The following FARP1 variants were observed in gnomAD, a reference collection of about 807,000 sequenced individuals.
The protein encoded by FARP1 is FERM, ARHGEF and pleckstrin domain-containing protein 1.
A neutral mutation model predicts 128.8 loss-of-function variants in FARP1; 52 were observed. That is an observed-to-expected ratio of 0.40 (90% CI 0.32 to 0.51). The LOEUF (loss-of-function observed/expected upper bound fraction) is 0.51. Among genes scored for constraint, FARP1 ranks in the 20% least tolerant of loss-of-function variants. The pLI is 0.45. For synonymous variants in FARP1, 580 were observed against 551.8 expected (o/e 1.05, Z -0.72); for missense variants, 1,333 against 1,367.9 (o/e 0.97, Z 0.40).
At chr13:98,410,139 C>A (rs1284555045) in intron 14 of FARP1, among the ~76,000 whole-genome samples, 4 of 152,226 alleles carry the variant, frequency 2.6e-5, no homozygotes, top group Admixed American at 2.6e-4. Context: ...GAGAAGTGGG[C>A]AAAATGGCGG....
chr13:98,225,203 T>C (rs1881687026), intron 2 of FARP1, among the ~76,000 whole-genome samples: 1 of 152,218 alleles, frequency 6.6e-6, no homozygotes, highest in African/African-American at 2.4e-5. Context: ...ACATATTTTA[T>C]TAGAGCTGTT....
At position 98,321,411 on chromosome 13, in the gene FARP1, G is replaced by A. The variant is rs539296049; in HGVS notation, c.172-22351G>A. ...TAAACCCACGCTTAGACAAATGGTT[G>A]TGTCTGAAAAAGGTTCTAAGAATTG... On this transcript the variant is annotated intron_variant, in intron 2 of 26. Coordinates refer to ENST00000319562, the MANE Select transcript of FARP1 (RefSeq NM_005766.4). Among the ~76,000 whole-genome samples, 19 of 152,330 alleles carry A rather than the reference G, an allele frequency of 1.2e-4. No individual in the cohort carries two copies. The South Asian group carries it at 3.5e-3, about 28-fold the overall frequency.
chr13:98,274,596 A>G (rs1884547440), intron 2 of FARP1, among the ~76,000 whole-genome samples: 1 of 152,212 alleles, frequency 6.6e-6, no homozygotes, highest in African/African-American at 2.4e-5. Flanking sequence ...ACAATGAGAT[A>G]AACAGCAGCC....
chr13:98,211,505 C>T (rs534732036), intron 1 of FARP1, among the ~76,000 whole-genome samples: 7 of 152,214 alleles, frequency 4.6e-5, no homozygotes, highest in African/African-American at 1.4e-4. Context: ...GGTTGGGGAC[C>T]GCTGCTCTAG....
At chr13:98,230,179 T>C (rs937619211) in intron 2 of FARP1, among the ~76,000 whole-genome samples, 4 of 152,226 alleles carry the variant, frequency 2.6e-5, no homozygotes, top group African/African-American at 9.6e-5. Flanking sequence ...GAGCCTGTTA[T>C]AGGTAATTTT....
At chr13:98,378,179 G>A (rs1408342290) in intron 6 of FARP1, among the ~76,000 whole-genome samples, 1 of 152,216 alleles carries the variant, frequency 6.6e-6, no homozygotes, top group Non-Finnish European at 1.5e-5. Context: ...TGATACTTCA[G>A]TTGTCTTAAA....
intron 2 of FARP1, among the ~76,000 whole-genome samples, chr13:98,225,730 G>A (rs1034272828): frequency 1.1e-4 from 16 of 152,258 alleles, no homozygotes; most frequent in African/African-American, 3.9e-4. Context: ...CAACCGGGCT[G>A]TTAGAGTCTT....
intron 13 of FARP1, chr13:98,398,755 C>T (rs1335372696): frequency 6.6e-6 from 1 of 152,146 alleles, no homozygotes; most frequent in Non-Finnish European, 1.5e-5. Flanking sequence ...GTGAGTTAAA[C>T]AGAGCCAAGT....
At chr13:98,200,599 C>T (rs1257123132) in intron 1 of FARP1, among the ~76,000 whole-genome samples, 1 of 152,118 alleles carries the variant, frequency 6.6e-6, no homozygotes, top group Non-Finnish European at 1.5e-5. Context: ...CTCACAGTTC[C>T]TAAGTTGAGA....
intron 5 of FARP1, among the ~76,000 whole-genome samples, chr13:98,376,772 T>C (rs906572950): frequency 2.0e-5 from 3 of 150,856 alleles, no homozygotes; most frequent in African/African-American, 7.3e-5. Context: ...TTTTTTTTTT[T>C]TTTTTTTGCC....
At chr13:98,351,623 A>AG (rs1192665655) in intron 3 of FARP1, among the ~76,000 whole-genome samples, 1 of 151,864 alleles carries the variant, frequency 6.6e-6, no homozygotes, top group Non-Finnish European at 1.5e-5. Flanking sequence ...AAAAAAAAAA[A>AG]AAAGAAAGAA....
At chr13:98,293,328 A>G (rs1885529083) in intron 2 of FARP1, among the ~76,000 whole-genome samples, 1 of 152,138 alleles carries the variant, frequency 6.6e-6, no homozygotes, top group Non-Finnish European at 1.5e-5. Context: ...AGTAAGTGAC[A>G]TTGTTCTCAT....
In FARP1 at chr13:98,453,517, A is replaced by C. The variant is rs1246981778; in HGVS notation, c.*5200A>C. On this transcript the variant is annotated 3_prime_UTR_variant, in exon 27 of 27. Transcript: ENST00000319562. Reference sequence around the variant, plus strand: ...CTTACGATCAATTGTCAAAAAGTGAACATTGATCCATACATGATGACACAG... The same window carrying C: ...CTTACGATCAATTGTCAAAAAGTGACCATTGATCCATACATGATGACACAG... 1.8e-5 allele frequency: 6 copies of C among 339,740 alleles called. No homozygotes were observed. The highest frequency in any genetic ancestry group is 1.3e-4 in the African/African-American group (6 of 45,990). 21.0% of individuals were successfully genotyped at this position (339,740 alleles called of 1,614,324 possible).
chr13:98,142,835 G>A (rs12868356), upstream of FARP1: 38,028 of 152,096 alleles, frequency 0.25, 5,586 homozygotes, highest in East Asian at 0.47. Flanking sequence ...TCCCCGCGCT[G>A]CATTAGGTAG....
chr13:98,337,668 T>G (rs575056543), intron 2 of FARP1, among the ~76,000 whole-genome samples: 1 of 152,106 alleles, frequency 6.6e-6, no homozygotes, highest in Admixed American at 6.6e-5. Flanking sequence ...TTCTGTCAGC[T>G]TAATCTGTGC....
At position 98,289,340 on chromosome 13, in the gene FARP1, C is replaced by T. The variant is rs537837697; in HGVS notation, c.172-54422C>T. Among the ~76,000 whole-genome samples the T allele has an allele frequency of 5.3e-4, 80 of 152,172 alleles. No individual in the cohort carries two copies. In the Middle Eastern group the frequency reaches 0.01, roughly 19 times the overall value. On this transcript the variant is annotated intron_variant, in intron 2 of 26. Transcript: ENST00000319562. ...ACATAGGAAATTCTAAGTGGTTACC[C>T]GTAAAATGGAAGACCGTTTCATTCC...
chr13:98,288,097 G>T (rs1269915810), intron 2 of FARP1, among the ~76,000 whole-genome samples: 1 of 152,172 alleles, frequency 6.6e-6, no homozygotes, highest in Non-Finnish European at 1.5e-5. Context: ...TCCGTACCCG[G>T]CCCCACACAC....
chr13:98,328,713 A>G (rs866904939), intron 2 of FARP1: 2 of 152,180 alleles, frequency 1.3e-5, no homozygotes. Context: ...ATTAGGAAGT[A>G]AATTCAGGGA....
chr13:98,209,941 C>T (rs1282764625), intron 1 of FARP1, among the ~76,000 whole-genome samples: 1 of 150,948 alleles, frequency 6.6e-6, no homozygotes, highest in Non-Finnish European at 1.5e-5. Context: ...GAGATTGCGC[C>T]ACTGCACTCC....
Sources: allele counts gnomAD v4.1 joint callset (sites outside exome capture counted in the v4.1 genomes callset), GRCh38; gene constraint gnomAD v4.1.1; transcripts MANE v1.5; gene names NCBI Gene and HGNC (gene_info 2026-07-23, HGNC 2026-07-21).